The following MACO1 variants were observed in gnomAD, a reference collection of about 807,000 sequenced individuals.
The protein encoded by MACO1 is macoilin.
Under a neutral mutation model 78.7 loss-of-function variants are expected in MACO1, and 14 were observed. The ratio of observed to expected loss-of-function variants is 0.18; its 90% CI spans 0.12 to 0.28. MACO1 has a LOEUF of 0.28. Ranked by LOEUF, MACO1 falls within the 10% of genes least tolerant of loss-of-function variation. The probability of loss-of-function intolerance (pLI) is 1.00; values close to 1 mark genes in which losing one functional copy is unlikely to be tolerated. For synonymous variants in MACO1, 288 were observed against 291.6 expected (o/e 0.99, Z 0.12); for missense variants, 501 against 799.0 (o/e 0.63, Z 4.50).
chr1:25,431,885 C>A (rs969402260), intron 1 of MACO1, among the ~76,000 whole-genome samples: 1 of 149,976 alleles, frequency 6.7e-6, no homozygotes. Flanking sequence ...TTGCTTTGAA[C>A]GTTTTTAAAA....
At chr1:25,448,503 G>A (rs2043035665) in intron 2 of MACO1, among the ~76,000 whole-genome samples, 1 of 152,074 alleles carries the variant, frequency 6.6e-6, no homozygotes, top group South Asian at 2.1e-4. Context: ...GTTCTTTCAG[G>A]TAACCCACAT....
chr1:25,448,933 A>G lies in MACO1; in HGVS notation c.348A>G (p.Thr116=). 1.4e-6 allele frequency: 2 copies of G among 1,453,784 alleles called. No individual in the cohort carries two copies. The highest frequency in any genetic ancestry group is 2.0e-5 in the Admixed American group (1 of 50,872). The allele number at this position is 1,453,784 out of a possible 1,614,324, so 90.1% of individuals were successfully genotyped here. Residue 116 remains threonine (T), a splice_region_variant and synonymous_variant, in exon 3 of 11, where the codon ACA becomes ACG. Coordinates refer to ENST00000374343, the MANE Select transcript of MACO1 (RefSeq NM_018202.6). Reference sequence around the variant, plus strand: ...TATGGGTTCAGTACGTATGGCACACAGGTAAGTCTTAATGATTTCTTAGAT... The same window carrying G: ...TATGGGTTCAGTACGTATGGCACACGGGTAAGTCTTAATGATTTCTTAGAT... ...TYVWVQYVWH[T]ERGVCLPTVS...
chr1:25,471,749 T>A (rs1478910878), intron 6 of MACO1, among the ~76,000 whole-genome samples: 1 of 152,220 alleles, frequency 6.6e-6, no homozygotes, highest in Admixed American at 6.5e-5. Flanking sequence ...TTAGACCCAA[T>A]CGAGGACTGC....
At chr1:25,496,663 C>T (rs2124616081) in intron 10 of MACO1, among the ~76,000 whole-genome samples, 1 of 151,844 alleles carries the variant, frequency 6.6e-6, no homozygotes, top group East Asian at 1.9e-4. Flanking sequence ...TGTAGAACTC[C>T]ACTTTTTACT....
chr1:25,462,514 C>G (rs1480738708), intron 6 of MACO1, among the ~76,000 whole-genome samples: 1 of 152,056 alleles, frequency 6.6e-6, no homozygotes. Flanking sequence ...CCGTGTGTCC[C>G]TAAGTTGATC....
rs1188861753 is a variant in MACO1, at chr1:25,498,680, T to C, written c.*214T>C. On this transcript the variant is annotated 3_prime_UTR_variant, in exon 11 of 11. Transcript: ENST00000374343. ...ATTTTTAGAAGACCTCACAGAACTT[T>C]ACAGTTTATTTTTCTCGGCCAACAC... 8.7e-6 allele frequency: 4 copies of C among 458,042 alleles called. No individual in the cohort carries two copies. Among genetic ancestry groups the C allele is most frequent in the Non-Finnish European group, 1.1e-5 (3 of 264,996 alleles). 28.4% of individuals were successfully genotyped at this position (458,042 alleles called of 1,614,324 possible).
rs2043574365 is a variant in MACO1, at chr1:25,500,180, A to G, written c.*1714A>G. 1 of 152,010 alleles carries G rather than the reference A, an allele frequency of 6.6e-6. No individual in the cohort carries two copies. Among genetic ancestry groups the G allele is most frequent in the African/African-American group, 2.4e-5 (1 of 41,366 alleles). The allele number at this position is 152,010 out of a possible 1,614,324, so 9.4% of individuals were successfully genotyped here. On this transcript the variant is annotated 3_prime_UTR_variant, in exon 11 of 11. Coordinates refer to ENST00000374343, the MANE Select transcript of MACO1 (RefSeq NM_018202.6). The stretch of plus-strand genomic sequence containing the variant: ...CTTTTTTTTTTTTCCTGTGGGGTTC[A>G]AAAGAATAAACATTTTCTTACAGAT...
chr1:25,485,652 G>C lies in MACO1; in HGVS notation c.1353G>C (p.Gln451His). 6.2e-7 allele frequency: 1 copy of C among 1,614,144 alleles called. No homozygotes were observed. Among genetic ancestry groups the C allele is most frequent in the Non-Finnish European group, 8.5e-7 (1 of 1,180,034 alleles). The change falls in exon 8 of 11, where the codon CAG becomes CAC. Residue 451 changes from glutamine (Q) to histidine (H), a missense_variant. Physicochemically the swap from Gln to His is conservative, Grantham distance 24. Coordinates refer to ENST00000374343, the MANE Select transcript of MACO1 (RefSeq NM_018202.6). This position sits in a 1 kb window ranked among gnomAD's most constrained non-coding sequence, Gnocchi z 4.3. ...NAVQMKQKDK[Q>H]NISQLEKKLK... Reference sequence around the variant, plus strand: ...TGCAAATGAAGCAAAAAGACAAGCAGAATATCAGCCAGTTGGAGAAAAAGC... The same window carrying C: ...TGCAAATGAAGCAAAAAGACAAGCACAATATCAGCCAGTTGGAGAAAAAGC...
intron 9 of MACO1, among the ~76,000 whole-genome samples, chr1:25,490,601 A>G (rs1052674895): frequency 6.6e-6 from 1 of 152,216 alleles, no homozygotes; most frequent in Admixed American, 6.5e-5. Flanking sequence ...CCAATGAGTG[A>G]TGTACAGAGA....
chr1:25,495,657 C>G (rs2043528978), intron 10 of MACO1, among the ~76,000 whole-genome samples: 1 of 152,180 alleles, frequency 6.6e-6, no homozygotes, highest in South Asian at 2.1e-4. Flanking sequence ...TCATTTGATA[C>G]ATCCTGGTTC....
At chr1:25,498,179 C>T (rs1046999140) in intron 10 of MACO1, 85 bp from the exon 11 acceptor site, 3 of 1,403,112 alleles carry the variant, frequency 2.1e-6, no homozygotes, top group Non-Finnish European at 3.0e-6. Flanking sequence ...CACACTGAAC[C>T]GAATCTACTT....
At chr1:25,495,855 G>T (rs573040894) in intron 10 of MACO1, among the ~76,000 whole-genome samples, 1 of 152,210 alleles carries the variant, frequency 6.6e-6, no homozygotes, top group South Asian at 2.1e-4. Context: ...CCAGCTACTC[G>T]GGAGGCTGAG....
intron 2 of MACO1, 73 bp downstream of exon 2, chr1:25,446,976 C>A: frequency 6.6e-7 from 1 of 1,508,242 alleles, no homozygotes; most frequent in Non-Finnish European, 8.9e-7. Context: ...ATTAGCAATA[C>A]TCAGGTAACT....
chr1:25,485,793 T>C lies in MACO1; in HGVS notation c.1494T>C (p.Ser498=). The stretch of plus-strand genomic sequence containing the variant: ...GGGCTGTTGCGTTTGCTGCTGCATC[T>C]AGGTATGTCCATGTCACCTGAGTGT... ...AARAVAFAAA[S]RGECTETLRN... Residue 498 remains serine (S), a splice_region_variant and synonymous_variant, in exon 8 of 11, where the codon TCT becomes TCC. Transcript: ENST00000374343. This position sits in a 1 kb window ranked among gnomAD's most constrained non-coding sequence, Gnocchi z 4.3. The C allele has an allele frequency of 6.2e-7, 1 of 1,611,902 alleles. No individual in the cohort carries two copies. The highest frequency in any genetic ancestry group is 2.2e-5 in the East Asian group (1 of 44,876).
intron 6 of MACO1, among the ~76,000 whole-genome samples, chr1:25,467,161 C>CG (rs2043226640): frequency 6.6e-6 from 1 of 151,992 alleles, no homozygotes; most frequent in Non-Finnish European, 1.5e-5. Context: ...GGGAAGCTGA[C>CG]GCAGGAGAAT....
intron 1 of MACO1, among the ~76,000 whole-genome samples, chr1:25,432,518 C>G (rs1304908787): frequency 6.6e-6 from 1 of 152,208 alleles, no homozygotes; most frequent in East Asian, 1.9e-4. Context: ...AAAACAGACT[C>G]TAATCTATGC....
chr1:25,491,266 C>T, intron 9 of MACO1, 144 bp from the exon 10 acceptor site: 3 of 1,032,398 alleles, frequency 2.9e-6, no homozygotes, highest in Non-Finnish European at 4.2e-6. Flanking sequence ...ACATTTAGCA[C>T]TTGCCTAAAC....
intron 6 of MACO1, among the ~76,000 whole-genome samples, chr1:25,479,036 C>T (rs2043347470): frequency 6.6e-6 from 1 of 151,886 alleles, no homozygotes; most frequent in Non-Finnish European, 1.5e-5. Context: ...AAGAGTGTGG[C>T]CCTTAACTCA....
chr1:25,481,036 A>T (rs2043372897), intron 6 of MACO1, among the ~76,000 whole-genome samples: 1 of 144,754 alleles, frequency 6.9e-6, no homozygotes, highest in South Asian at 2.1e-4. Flanking sequence ...TGGTCTCATA[A>T]CTGCATTAGC....
Sources: allele counts gnomAD v4.1 joint callset (sites outside exome capture counted in the v4.1 genomes callset), GRCh38; gene constraint gnomAD v4.1.1; non-coding constraint Gnocchi (gnomAD v3.1); transcripts MANE v1.5; gene names NCBI Gene and HGNC (gene_info 2026-07-23, HGNC 2026-07-21).